Variants in STK33 observed in about 807,000 individuals in gnomAD.
The protein encoded by STK33 is serine/threonine kinase 33, also known as serine/threonine-protein kinase 33.
A neutral mutation model predicts 58.0 loss-of-function variants in STK33; 52 were observed. The observed-to-expected ratio is 0.90, with a 90% confidence interval of 0.72 to 1.13. STK33 has a LOEUF of 1.13. STK33 is among the 50% of genes most tolerant of loss of function. The pLI, the probability that STK33 is intolerant of heterozygous loss-of-function variation, is 0.00. For missense variants in STK33, 630 were observed against 604.2 expected (o/e 1.04, Z -0.45); for synonymous variants, 215 against 200.1 (o/e 1.07, Z -0.63).
At chr11:8,553,951 G>A (rs1356525749) in intron 1 of STK33, among the ~76,000 whole-genome samples, 1 of 152,078 alleles carries the variant, frequency 6.6e-6, no homozygotes. Context: ...AAGTGGGATG[G>A]CATCCACCTA....
intron 15 of STK33, among the ~76,000 whole-genome samples, chr11:8,396,627 G>A (rs1226436061): frequency 1.3e-5 from 2 of 152,202 alleles, no homozygotes; most frequent in Admixed American, 6.5e-5. Flanking sequence ...TGGACAGTGG[G>A]TGCAGCGCAC....
In STK33 at chr11:8,537,537, G is replaced by A. The variant is rs1022598273; in HGVS notation, c.-466+56546C>T. On this transcript the variant is annotated intron_variant, in intron 1 of 15. Coordinates refer to ENST00000687296, the MANE Select transcript of STK33 (RefSeq NM_001352389.2). ...TCTGTTACTGACTTTTCTCAATCAAGTTGAGATTTCCCTGGTTTTTGGTAT... is the reference window on the plus strand; with the variant it reads ...TCTGTTACTGACTTTTCTCAATCAAATTGAGATTTCCCTGGTTTTTGGTAT... 3.3e-5 allele frequency among the ~76,000 whole-genome samples: 5 copies of A among 152,224 alleles called. No homozygotes were observed. In the South Asian group the frequency reaches 8.3e-4, roughly 25 times the overall value.
At chr11:8,417,620 CAA>C (rs964042288) in intron 14 of STK33, among the ~76,000 whole-genome samples, 8 of 152,100 alleles carry the variant, frequency 5.3e-5, no homozygotes, top group African/African-American at 1.9e-4. Flanking sequence ...TCTGTTTTTG[CAA>C]AGAGCTAGAA....
the STK33 span, among the ~76,000 whole-genome samples, chr11:8,363,097 G>A: frequency 6.6e-6 from 1 of 152,268 alleles, no homozygotes; most frequent in African/African-American, 2.4e-5. Flanking sequence ...ACCGAAGTGG[G>A]AGAAAGTGAA....
chr11:8,483,563 G>C lies in STK33; in HGVS notation c.-465-2949C>G, dbSNP rs1434604546. Among the ~76,000 whole-genome samples the C allele has an allele frequency of 2.6e-5, 4 of 152,110 alleles. No homozygotes were observed. In the East Asian group the frequency reaches 5.8e-4, roughly 22 times the overall value. On this transcript the variant is annotated intron_variant, in intron 1 of 15. Coordinates refer to ENST00000687296, the MANE Select transcript of STK33 (RefSeq NM_001352389.2). ...ACCCTAATCAGACACAGGTTTTAGT[G>C]AACAGAGAGTGGCCACCAAATTCAA...
chr11:8,425,529 A>G (rs2136010739), intron 14 of STK33, among the ~76,000 whole-genome samples: 1 of 152,296 alleles, frequency 6.6e-6, no homozygotes, highest in African/African-American at 2.4e-5. Context: ...GAAGAAAGTC[A>G]TTGGTAGGTG....
At chr11:8,393,951 T>C (rs559572206) in intron 15 of STK33, among the ~76,000 whole-genome samples, 1 of 152,338 alleles carries the variant, frequency 6.6e-6, no homozygotes, top group African/African-American at 2.4e-5. Flanking sequence ...AGTGTGCCTC[T>C]TCAGAACATC....
chr11:8,370,735 C>T, the STK33 span, among the ~76,000 whole-genome samples: 1 of 152,084 alleles, frequency 6.6e-6, no homozygotes, highest in Non-Finnish European at 1.5e-5. Flanking sequence ...CTGGAGGGGC[C>T]CCGGGCAAGA....
At chr11:8,547,889 A>G (rs1336983646) in intron 1 of STK33, among the ~76,000 whole-genome samples, 1 of 152,050 alleles carries the variant, frequency 6.6e-6, no homozygotes, top group Non-Finnish European at 1.5e-5. Flanking sequence ...GGAAACCATC[A>G]TTCTGAGCAA....
rs547803723 is a variant in STK33 at position 8,400,598 on chromosome 11, T to C, written c.1345-7888A>G. Among the ~76,000 whole-genome samples the C allele has an allele frequency of 3.6e-3, 553 of 152,222 alleles. 3 individuals carry two copies. Among genetic ancestry groups the C allele is most frequent in the African/African-American group, 0.012 (515 of 41,544 alleles). On this transcript the variant is annotated intron_variant, in intron 15 of 15. Coordinates refer to ENST00000687296, the MANE Select transcript of STK33 (RefSeq NM_001352389.2). ...CCTCTCTCACCACTCCTATTTAACA[T>C]AGTGTTGGAAGTTCTGGCCAGGGCA...
At chr11:8,431,296 A>G (rs1370994648) in intron 14 of STK33, among the ~76,000 whole-genome samples, 1 of 152,210 alleles carries the variant, frequency 6.6e-6, no homozygotes, top group Non-Finnish European at 1.5e-5. Context: ...TTAGGATGAA[A>G]ATATACAGAA....
intron 1 of STK33, among the ~76,000 whole-genome samples, chr11:8,591,000 T>A (rs1427990906): frequency 1.3e-5 from 2 of 152,242 alleles, no homozygotes; most frequent in African/African-American, 4.8e-5. Flanking sequence ...CTACATAGTA[T>A]CATCAGATGA....
intron 1 of STK33, among the ~76,000 whole-genome samples, chr11:8,506,742 T>C (rs1951891334): frequency 6.6e-6 from 1 of 152,232 alleles, no homozygotes; most frequent in South Asian, 2.1e-4. Flanking sequence ...GGGGCCGTTA[T>C]TCTGCCTACC....
the STK33 span, among the ~76,000 whole-genome samples, chr11:8,359,648 G>A: frequency 2.0e-5 from 3 of 152,282 alleles, no homozygotes; most frequent in Admixed American, 6.5e-5. Flanking sequence ...TCTCTGGAGC[G>A]ACCATGTAGA....
At chr11:8,423,876 T>C (rs1220734585) in intron 14 of STK33, among the ~76,000 whole-genome samples, 1 of 152,090 alleles carries the variant, frequency 6.6e-6, no homozygotes, top group Non-Finnish European at 1.5e-5. Flanking sequence ...AAGGTTATTT[T>C]ATTAGTTGCA....
intron 1 of STK33, among the ~76,000 whole-genome samples, chr11:8,520,392 G>T (rs528889313): frequency 1.1e-4 from 16 of 152,222 alleles, no homozygotes; most frequent in African/African-American, 3.4e-4. Context: ...ATATCATACT[G>T]AATGGGCAAA....
At chr11:8,496,751 T>C (rs1235466736) in intron 1 of STK33, among the ~76,000 whole-genome samples, 1 of 152,028 alleles carries the variant, frequency 6.6e-6, no homozygotes, top group Non-Finnish European at 1.5e-5. Flanking sequence ...ATTTTTTATA[T>C]TTTTAGTAGA....
chr11:8,427,054 AC>A (rs1314899821), intron 14 of STK33, among the ~76,000 whole-genome samples: 2 of 151,530 alleles, frequency 1.3e-5, no homozygotes, highest in African/African-American at 2.4e-5. Flanking sequence ...ATATCAGCGA[AC>A]TCTACCAAGA....
In STK33 at chr11:8,524,512, T is replaced by C. The variant is rs143890373; in HGVS notation, c.-465-43898A>G. Among the ~76,000 whole-genome samples the C allele has an allele frequency of 7.6e-3, 1,160 of 152,210 alleles. 6 individuals are homozygous for C. Among genetic ancestry groups the C allele is most frequent in the Middle Eastern group, 0.024 (7 of 294 alleles). ...AGACATACAAATAGCCTACAATATA[T>C]GAAAATGTGCTCAACATCACTAATT... is the stretch of plus-strand genomic sequence containing the variant. On this transcript the variant is annotated intron_variant, in intron 1 of 15. Coordinates refer to ENST00000687296, the MANE Select transcript of STK33 (RefSeq NM_001352389.2).
Sources: gnomAD v4.1 joint callset for allele counts (sites outside exome capture counted in the v4.1 genomes callset) on GRCh38, gnomAD v4.1.1 for gene constraint, MANE v1.5 for transcripts, NCBI Gene and HGNC (gene_info 2026-07-23, HGNC 2026-07-21) for gene names.